SPIDR: variants seen among roughly 807,000 people sequenced by gnomAD.
The protein encoded by SPIDR is scaffold protein involved in DNA repair, also known as DNA repair-scaffolding protein.
A neutral mutation model predicts 104.6 loss-of-function variants in SPIDR; 93 were observed. The ratio of observed to expected loss-of-function variants is 0.89; its 90% confidence interval spans 0.75 to 1.06. The LOEUF (loss-of-function observed/expected upper bound fraction) is 1.06, where lower values mean the gene tolerates loss of function less well. Among genes scored for constraint, SPIDR ranks in the 50% least tolerant of loss-of-function variants. The pLI, the probability that SPIDR is intolerant of heterozygous loss-of-function variation, is 0.00. For synonymous variants in SPIDR, 431 were observed against 416.9 expected (o/e 1.03, Z -0.41); for missense variants, 1,154 against 1,111.2 (o/e 1.04, Z -0.55).
Position 47,440,332 on chromosome 8 carries a change from C to T in SPIDR, c.887C>T (p.Ser296Phe), listed in dbSNP as rs1563979013. ...SYQKTLSGRK[S>F]GVLTVKILEL... ...TTTCTTCAACTTCTAGGTAGAAAAT[C>T]TGGTGTATTAACTGTGAAAATTTTA... The change falls in exon 8 of 20, where the codon TCT (serine) becomes TTT (phenylalanine). Residue 296 changes from serine to phenylalanine, a missense_variant. Transcript: ENST00000297423. 6.2e-7 allele frequency: 1 copy of T among 1,613,808 alleles called. No homozygotes were observed. Among genetic ancestry groups the T allele is most frequent in the Non-Finnish European group, 8.5e-7 (1 of 1,179,778 alleles).
At chr8:47,346,660 G>T (rs2052125578) in intron 5 of SPIDR, among the ~76,000 whole-genome samples, 1 of 152,164 alleles carries the variant, frequency 6.6e-6, no homozygotes, top group African/African-American at 2.4e-5. Context: ...TCTATTCAGA[G>T]ATTTAACTTC....
intron 5 of SPIDR, among the ~76,000 whole-genome samples, chr8:47,320,186 T>C (rs1251242231): frequency 6.6e-6 from 1 of 152,028 alleles, no homozygotes; most frequent in Non-Finnish European, 1.5e-5. Context: ...ATCAACAAAC[T>C]TGATAGGCTG....
At chr8:47,580,512 C>A (rs1035995827) in intron 8 of SPIDR, among the ~76,000 whole-genome samples, 2 of 152,196 alleles carry the variant, frequency 1.3e-5, no homozygotes, top group Non-Finnish European at 2.9e-5. Context: ...TCCACAGCCA[C>A]ACAGCTTGTA....
At chr8:47,664,743 C>CAAA (rs771963348) in intron 10 of SPIDR, among the ~76,000 whole-genome samples, 237 of 61,190 alleles carry the variant, frequency 3.9e-3, no homozygotes, top group Middle Eastern at 0.011. Flanking sequence ...CCCATCTCTA[C>CAAA]AAAAAAAAAA....
At chr8:47,335,296 G>GT (rs553934439) in intron 5 of SPIDR, among the ~76,000 whole-genome samples, 121 of 152,124 alleles carry the variant, frequency 8.0e-4, no homozygotes, top group African/African-American at 2.3e-3. Flanking sequence ...TTGCAAGGCA[G>GT]TTTTTTTGGC....
intron 10 of SPIDR, among the ~76,000 whole-genome samples, chr8:47,654,392 G>A (rs2072293281): frequency 6.6e-6 from 1 of 152,186 alleles, no homozygotes; most frequent in Admixed American, 6.5e-5. Context: ...GATGTGAAAG[G>A]AAATAGAGTA....
intron 2 of SPIDR, among the ~76,000 whole-genome samples, chr8:47,281,888 CA>C (rs1372758195): frequency 6.6e-6 from 1 of 152,218 alleles, no homozygotes; most frequent in Non-Finnish European, 1.5e-5. Flanking sequence ...GTGGCAGCTA[CA>C]GCCATATGAC....
intron 5 of SPIDR, among the ~76,000 whole-genome samples, chr8:47,355,065 C>T (rs2154284190): frequency 6.6e-6 from 1 of 152,202 alleles, no homozygotes. Context: ...AAGTGATTCT[C>T]CTGCCTCAGC....
At chr8:47,623,336 C>G (rs920352712) in intron 10 of SPIDR, among the ~76,000 whole-genome samples, 1 of 152,120 alleles carries the variant, frequency 6.6e-6, no homozygotes, top group African/African-American at 2.4e-5. Flanking sequence ...AACTAACAAG[C>G]AAAATAGCCA....
chr8:47,492,343 A>G (rs1321391125), intron 8 of SPIDR, among the ~76,000 whole-genome samples: 1 of 152,008 alleles, frequency 6.6e-6, no homozygotes, highest in Non-Finnish European at 1.5e-5. Context: ...GGCTTCTCAC[A>G]AAGGCCATTT....
At chr8:47,444,390 A>G (rs1179085369) in intron 8 of SPIDR, among the ~76,000 whole-genome samples, 1 of 152,220 alleles carries the variant, frequency 6.6e-6, no homozygotes, top group African/African-American at 2.4e-5. Context: ...AGAAGTATTT[A>G]TTGGTATCCC....
chr8:47,629,503 A>C (rs2066720927), intron 10 of SPIDR, among the ~76,000 whole-genome samples: 1 of 152,210 alleles, frequency 6.6e-6, no homozygotes, highest in African/African-American at 2.4e-5. Context: ...CTGTAATCCC[A>C]ACACTTTGGG....
chr8:47,582,389 C>A (rs2059796601), intron 8 of SPIDR, among the ~76,000 whole-genome samples: 1 of 152,086 alleles, frequency 6.6e-6, no homozygotes, highest in Non-Finnish European at 1.5e-5. Flanking sequence ...AAGTAAACAT[C>A]TTTCGTGAAA....
chr8:47,376,278 A>G (rs782164287), intron 5 of SPIDR, among the ~76,000 whole-genome samples: 24 of 152,298 alleles, frequency 1.6e-4, no homozygotes, highest in South Asian at 1.2e-3. Context: ...AGCAGCCTCA[A>G]TTGCTTGCAA....
At chr8:47,411,197 A>G (rs1400960519) in intron 7 of SPIDR, among the ~76,000 whole-genome samples, 1 of 152,236 alleles carries the variant, frequency 6.6e-6, no homozygotes, top group Non-Finnish European at 1.5e-5. Flanking sequence ...GCTGGGTCAA[A>G]TGGTAATTCT....
intron 5 of SPIDR, among the ~76,000 whole-genome samples, chr8:47,351,648 G>C (rs917922037): frequency 6.6e-6 from 1 of 152,026 alleles, no homozygotes; most frequent in Non-Finnish European, 1.5e-5. Context: ...AATCAACCAT[G>C]GACCAAAAAT....
At chr8:47,289,062 T>G (rs2039415455) in intron 3 of SPIDR, among the ~76,000 whole-genome samples, 1 of 152,098 alleles carries the variant, frequency 6.6e-6, no homozygotes, top group Non-Finnish European at 1.5e-5. Flanking sequence ...CGGGATGGAG[T>G]GCTGTGGTGC....
chr8:47,463,956 G>A (rs2074351400), intron 8 of SPIDR, among the ~76,000 whole-genome samples: 1 of 152,124 alleles, frequency 6.6e-6, no homozygotes, highest in Admixed American at 6.5e-5. Flanking sequence ...ACAAGGCAAA[G>A]ATGGTTGCTT....
At chr8:47,389,100 A>G (rs1373940630) in intron 5 of SPIDR, among the ~76,000 whole-genome samples, 3 of 152,212 alleles carry the variant, frequency 2.0e-5, no homozygotes, top group African/African-American at 7.2e-5. Context: ...AAACATTAGC[A>G]GATTATGATA....
Sources: allele counts gnomAD v4.1 joint callset (sites outside exome capture counted in the v4.1 genomes callset), GRCh38; gene constraint gnomAD v4.1.1; transcripts MANE v1.5; gene names NCBI Gene and HGNC (gene_info 2026-07-23, HGNC 2026-07-21).